The following GALNT11 variants were observed in gnomAD, a reference collection of about 807,000 sequenced individuals.
GALNT11 encodes the protein UDP-GalNAc:polypeptide N-acetylgalactosaminyltransferase 11.
A neutral mutation model predicts 72.7 loss-of-function variants in GALNT11; 47 were observed. The ratio of observed to expected loss-of-function variants is 0.65; its 90% CI spans 0.51 to 0.82. The LOEUF is 0.82. Among genes scored for constraint, GALNT11 ranks in the 40% least tolerant of loss-of-function variants. GALNT11 has a pLI of 0.00. For synonymous variants in GALNT11, 270 were observed against 286.6 expected (o/e 0.94, Z 0.58); for missense variants, 677 against 778.4 (o/e 0.87, Z 1.55).
At chr7:152,063,893 A>G (rs2129001852) in intron 1 of GALNT11, among the ~76,000 whole-genome samples, 1 of 152,250 alleles carries the variant, frequency 6.6e-6, no homozygotes, top group African/African-American at 2.4e-5. Context: ...TATGTGGTCA[A>G]TTTTGGAATA....
At chr7:152,040,971 C>T (rs1004384310) in intron 1 of GALNT11, among the ~76,000 whole-genome samples, 10 of 152,150 alleles carry the variant, frequency 6.6e-5, no homozygotes, top group African/African-American at 2.2e-4. Context: ...GGTTTTCTTC[C>T]GCCATCTGTG....
At chr7:152,044,623 A>G (rs1400377047) in intron 1 of GALNT11, among the ~76,000 whole-genome samples, 1 of 152,138 alleles carries the variant, frequency 6.6e-6, no homozygotes, top group East Asian at 1.9e-4. Flanking sequence ...AAATGCTCTG[A>G]TATTTGTATA....
At chr7:152,112,692 A>G (rs1270188050) in intron 7 of GALNT11, among the ~76,000 whole-genome samples, 5 of 152,152 alleles carry the variant, frequency 3.3e-5, no homozygotes, top group Admixed American at 6.5e-5. Flanking sequence ...ATCCCACAAA[A>G]ACGAACTTAA....
At chr7:152,066,208 AGGCTCCGTG>A in intron 1 of GALNT11, among the ~76,000 whole-genome samples, 1 of 152,322 alleles carries the variant, frequency 6.6e-6, no homozygotes, top group Middle Eastern at 3.4e-3. Flanking sequence ...GCAATGAGCA[AGGCTCCGTG>A]GGCGTGGGAC....
chr7:152,068,929 T>C (rs2084469871), intron 1 of GALNT11, among the ~76,000 whole-genome samples: 1 of 152,226 alleles, frequency 6.6e-6, no homozygotes, highest in Non-Finnish European at 1.5e-5. Context: ...GCTGACTTCG[T>C]AATAAGATTT....
chr7:152,102,302 G>T (rs2087004365), intron 3 of GALNT11, among the ~76,000 whole-genome samples: 1 of 152,146 alleles, frequency 6.6e-6, no homozygotes, highest in African/African-American at 2.4e-5. Context: ...CCAGCACTTT[G>T]GGAGGGCGCG....
chr7:152,048,334 T>C (rs2083241789), intron 1 of GALNT11, among the ~76,000 whole-genome samples: 1 of 152,014 alleles, frequency 6.6e-6, no homozygotes, highest in Non-Finnish European at 1.5e-5. Flanking sequence ...TTTTTCTTTA[T>C]GTTTGACCTT....
chr7:152,084,938 G>A (rs1378487456), intron 1 of GALNT11, among the ~76,000 whole-genome samples: 1 of 144,862 alleles, frequency 6.9e-6, no homozygotes, highest in Non-Finnish European at 1.5e-5. Flanking sequence ...TGCTGTCAAT[G>A]TCCCCCTCCA....
At chr7:152,029,045 G>A (rs1325737235) in intron 1 of GALNT11, among the ~76,000 whole-genome samples, 1 of 152,214 alleles carries the variant, frequency 6.6e-6, no homozygotes, top group Non-Finnish European at 1.5e-5. Context: ...TGGTGTAAGA[G>A]TTTGAAAGGC....
Position 152,094,340 on chromosome 7 carries a change from A to G in GALNT11, c.113A>G (p.Lys38Arg). The change falls in exon 2 of 12, where the codon AAG (lysine) becomes AGG (arginine). Residue 38 changes from lysine (K) to arginine (R), a missense_variant. By Grantham distance (26) the Lys-to-Arg change is conservative (BLOSUM62 2). Coordinates refer to ENST00000430044, the MANE Select transcript of GALNT11 (RefSeq NM_022087.4). This position sits in a 1 kb window ranked among gnomAD's most constrained non-coding sequence, Gnocchi z 4.3. ...FNFSEVTQPL[K>R]NVPVKGSGPH... is the part of the protein sequence containing the mutation. ...TTCAGTGAAGTGACTCAGCCACTTAAGAATGTGCCCGTCAAGGGGTCTGGG... is the reference window on the plus strand; with the variant it reads ...TTCAGTGAAGTGACTCAGCCACTTAGGAATGTGCCCGTCAAGGGGTCTGGG... 1 of 1,614,200 alleles carries G rather than the reference A, an allele frequency of 6.2e-7. No individual in the cohort carries two copies. Among genetic ancestry groups the G allele is most frequent in the Non-Finnish European group, 8.5e-7 (1 of 1,180,026 alleles).
intron 1 of GALNT11, among the ~76,000 whole-genome samples, chr7:152,027,122 G>T (rs577227984): frequency 6.6e-6 from 1 of 152,052 alleles, no homozygotes; most frequent in Non-Finnish European, 1.5e-5. Flanking sequence ...GGTGGCAGGC[G>T]CCTGTAATCC....
intron 1 of GALNT11, among the ~76,000 whole-genome samples, chr7:152,056,596 T>A (rs997208551): frequency 2.5e-4 from 38 of 152,138 alleles, no homozygotes; most frequent in African/African-American, 8.4e-4. Context: ...ATTGTAACAT[T>A]ACAATGAAAT....
chr7:152,105,285 C>T lies in GALNT11; in HGVS notation c.627C>T (p.Tyr209=). 3.1e-6 allele frequency: 5 copies of T among 1,613,712 alleles called. No homozygotes were observed. In the South Asian group the frequency reaches 4.4e-5, roughly 14 times the overall value. The change falls in exon 5 of 12, where the codon TAC becomes TAT. Residue 209 remains tyrosine (Y), a synonymous_variant. Coordinates refer to ENST00000430044, the MANE Select transcript of GALNT11 (RefSeq NM_022087.4). ...AACTAGATGAATATGTCCAAAAATA[C>T]CTCCCTGGAAAAATTAAAGTCATAA... ...KGELDEYVQK[Y]LPGKIKVIRN...
At chr7:152,101,652 G>C (rs375949185) in intron 3 of GALNT11, among the ~76,000 whole-genome samples, 4 of 144,560 alleles carry the variant, frequency 2.8e-5, no homozygotes, top group South Asian at 2.4e-4. Context: ...TGGGGGGGGG[G>C]GGATGGAGTC....
At chr7:152,112,953 C>T (rs952575069) in intron 7 of GALNT11, among the ~76,000 whole-genome samples, 6 of 152,144 alleles carry the variant, frequency 3.9e-5, no homozygotes, top group Non-Finnish European at 8.8e-5. Context: ...GATCAAGTCT[C>T]TTGATCTGTT....
chr7:152,091,226 A>G (rs1194514311), intron 1 of GALNT11, among the ~76,000 whole-genome samples: 2 of 146,260 alleles, frequency 1.4e-5, no homozygotes, highest in Non-Finnish European at 3.0e-5. Flanking sequence ...TTATATATAT[A>G]TTTATTTTAT....
chr7:152,073,588 A>G (rs1442331759), intron 1 of GALNT11, among the ~76,000 whole-genome samples: 1 of 152,210 alleles, frequency 6.6e-6, no homozygotes, highest in African/African-American at 2.4e-5. Flanking sequence ...ATTGTGAATA[A>G]TGCTGCAGTT....
chr7:152,096,942 C>T (rs1257725590), intron 2 of GALNT11, among the ~76,000 whole-genome samples: 1 of 152,130 alleles, frequency 6.6e-6, no homozygotes, highest in Non-Finnish European at 1.5e-5. Context: ...ATCCTCCTGC[C>T]TCAGCCTCTC....
intron 6 of GALNT11, among the ~76,000 whole-genome samples, chr7:152,109,464 T>C (rs886071731): frequency 6.6e-6 from 1 of 152,216 alleles, no homozygotes; most frequent in African/African-American, 2.4e-5. Flanking sequence ...TTTTAAAAAG[T>C]GTCTTTTGGA....
Sources: gnomAD v4.1 joint callset for allele counts (sites outside exome capture counted in the v4.1 genomes callset) on GRCh38, gnomAD v4.1.1 for gene constraint, Gnocchi (gnomAD v3.1) non-coding constraint, MANE v1.5 for transcripts, NCBI Gene and HGNC (gene_info 2026-07-23, HGNC 2026-07-21) for gene names.